Variants in SLIT2 observed in about 807,000 individuals in gnomAD.
The protein encoded by SLIT2 is slit guidance ligand 2.
In SLIT2, 41 loss-of-function variants were observed where a neutral mutation model predicts 185.7. That is an observed-to-expected ratio of 0.22 (90% CI 0.17 to 0.29). The LOEUF (loss-of-function observed/expected upper bound fraction) is 0.29, where lower values mean the gene tolerates loss of function less well. Among genes scored for constraint, SLIT2 ranks in the 10% least tolerant of loss-of-function variants. The pLI, the probability that SLIT2 is intolerant of heterozygous loss-of-function variation, is 1.00. For missense variants in SLIT2, 1,571 were observed against 1,909.0 expected, an observed-to-expected ratio of 0.82 and a Z score of 3.30; for synonymous variants, 693 against 680.2, an observed-to-expected ratio of 1.02 and a Z score of -0.29.
At position 20,542,597 on chromosome 4, in the gene SLIT2, G is replaced by A. The variant is rs267600123; in HGVS notation, c.2247G>A (p.Pro749=). The A allele has an allele frequency of 5.6e-6, 9 of 1,613,834 alleles. No homozygotes were observed. In the South Asian group the frequency reaches 6.6e-5, roughly 12 times the overall value. The change falls in exon 21 of 37, where the codon CCG becomes CCA. Residue 749 remains proline, a synonymous_variant. Coordinates refer to ENST00000504154, the MANE Select transcript of SLIT2 (RefSeq NM_004787.4). ...RCSNKGLKVL[P]KGIPRDVTEL... Reference sequence around the variant, plus strand: ...GCAACAAGGGTTTGAAGGTCTTGCCGAAAGGTATTCCAAGAGATGTCACAG... The same window carrying A: ...GCAACAAGGGTTTGAAGGTCTTGCCAAAAGGTATTCCAAGAGATGTCACAG...
chr4:20,441,736 C>T (rs970152563), intron 4 of SLIT2, among the ~76,000 whole-genome samples: 4 of 152,150 alleles, frequency 2.6e-5, no homozygotes, highest in Non-Finnish European at 5.9e-5. Flanking sequence ...ATGGGTCCTA[C>T]CTGCACACAA....
rs1437765730 is a variant in SLIT2, at chr4:20,510,938, A to C, written c.987-128A>C. 11 of 580,076 alleles carry C rather than the reference A, an allele frequency of 1.9e-5. No homozygotes were observed. The East Asian group carries it at 3.0e-4, about 16-fold the overall frequency. The allele number at this position is 580,076 out of a possible 1,614,324, so 35.9% of individuals were successfully genotyped here. Reference sequence around the variant, plus strand: ...TAAATTTCTGATCCTTCAGATGTTCAATGTTGCACGTTTTGGACATGTCTT... The same window carrying C: ...TAAATTTCTGATCCTTCAGATGTTCCATGTTGCACGTTTTGGACATGTCTT... On this transcript the variant is annotated intron_variant, in intron 10 of 36. Transcript: ENST00000504154.
In SLIT2 at chr4:20,596,591, A is replaced by G. The variant is rs760463561; in HGVS notation, c.3497A>G (p.Asn1166Ser). The G allele has an allele frequency of 3.1e-6, 5 of 1,613,954 alleles. No homozygotes were observed. The change falls in exon 32 of 37, where the codon AAC (asparagine) becomes AGC (serine). Residue 1166 changes from asparagine (N) to serine (S), a missense_variant. Around this residue, in one of 3 missense-constraint regions of SLIT2, gnomAD observed 146 missense variants for 247.4 expected, o/e 0.59. Transcript: ENST00000504154. ...AAATTGGTTAGTGTGAATTTTATAAACAAAGAGTCTTATCTTCAGATTCCT... is the reference window on the plus strand; with the variant it reads ...AAATTGGTTAGTGTGAATTTTATAAGCAAAGAGTCTTATCTTCAGATTCCT... ...CEKLVSVNFI[N>S]KESYLQIPSA...
chr4:20,466,936 G>A (rs953853825), intron 4 of SLIT2, among the ~76,000 whole-genome samples: 2 of 151,952 alleles, frequency 1.3e-5, no homozygotes, highest in Non-Finnish European at 2.9e-5. Context: ...TTTCTTGCAC[G>A]TATATTTATA....
intron 26 of SLIT2, among the ~76,000 whole-genome samples, chr4:20,560,198 T>A (rs1016024846): frequency 6.6e-6 from 1 of 152,012 alleles, no homozygotes; most frequent in Non-Finnish European, 1.5e-5. Context: ...TATTAAGGTT[T>A]GTCAATGTAT....
At chr4:20,599,246 A>G (rs1057261135) in intron 33 of SLIT2, among the ~76,000 whole-genome samples, 8 of 152,134 alleles carry the variant, frequency 5.3e-5, no homozygotes, top group Admixed American at 5.2e-4. Flanking sequence ...TTCGTGGGGT[A>G]TAATTTTTAG....
intron 4 of SLIT2, among the ~76,000 whole-genome samples, chr4:20,461,169 G>A (rs139511231): frequency 2.6e-5 from 4 of 152,246 alleles, no homozygotes; most frequent in African/African-American, 4.8e-5. Flanking sequence ...TCCATCTCAC[G>A]GTGATAGGAA....
intron 4 of SLIT2, among the ~76,000 whole-genome samples, chr4:20,422,329 T>C (rs1038369085): frequency 6.6e-6 from 1 of 152,196 alleles, no homozygotes; most frequent in African/African-American, 2.4e-5. Flanking sequence ...GCATAGTCCC[T>C]CATCTGTCTT....
chr4:20,465,545 G>T (rs1407895491), intron 4 of SLIT2, among the ~76,000 whole-genome samples: 1 of 152,002 alleles, frequency 6.6e-6, no homozygotes, highest in East Asian at 1.9e-4. Flanking sequence ...TCTACTCAGG[G>T]GACAACCACA....
At chr4:20,362,485 A>G (rs1311135178) in intron 4 of SLIT2, among the ~76,000 whole-genome samples, 2 of 152,092 alleles carry the variant, frequency 1.3e-5, no homozygotes, top group African/African-American at 4.8e-5. Context: ...ATGAATTGTT[A>G]CAATTTTGAT....
intron 2 of SLIT2, 115 bp from the exon 3 acceptor site, chr4:20,257,753 G>C: frequency 1.4e-6 from 1 of 690,674 alleles, no homozygotes; most frequent in South Asian, 1.7e-5. Flanking sequence ...TCTCAAATCA[G>C]AGCACAATTT....
chr4:20,515,623 C>T (rs1262275287), intron 11 of SLIT2, among the ~76,000 whole-genome samples: 1 of 152,148 alleles, frequency 6.6e-6, no homozygotes, highest in Non-Finnish European at 1.5e-5. Flanking sequence ...TCTGCTTTAT[C>T]TTTACTGTAC....
At chr4:20,392,286 A>C (rs966771046) in intron 4 of SLIT2, 1 of 152,102 alleles carries the variant, frequency 6.6e-6, no homozygotes, top group Non-Finnish European at 1.5e-5. Flanking sequence ...GTATCTGAAC[A>C]TACCGAAATA....
intron 11 of SLIT2, among the ~76,000 whole-genome samples, chr4:20,511,593 T>TATTTTTTTTTAA (rs1553915380): frequency 7.4e-6 from 1 of 134,246 alleles, no homozygotes; most frequent in Non-Finnish European, 1.6e-5. Context: ...GCTAATTTTT[T>TATTTTTTTTTAA]TTTTTTTTTT....
chr4:20,552,232 A>G (rs1387816696), intron 25 of SLIT2, among the ~76,000 whole-genome samples: 1 of 152,182 alleles, frequency 6.6e-6, no homozygotes, highest in Non-Finnish European at 1.5e-5. Flanking sequence ...ATGGTCAGGC[A>G]TCAGAAAAGG....
chr4:20,472,927 TA>T (rs2148763426), intron 5 of SLIT2, among the ~76,000 whole-genome samples: 1 of 151,662 alleles, frequency 6.6e-6, no homozygotes, highest in Non-Finnish European at 1.5e-5. Context: ...ATCCTAGGAT[TA>T]AAGAAAAAAG....
intron 9 of SLIT2, among the ~76,000 whole-genome samples, chr4:20,506,632 T>G (rs1719234657): frequency 6.6e-6 from 1 of 152,032 alleles, no homozygotes; most frequent in South Asian, 2.1e-4. Flanking sequence ...TGTGTTGGGT[T>G]TAGTTTATCA....
In SLIT2 at chr4:20,288,845, T is replaced by TA. The variant is rs1355204147; in HGVS notation, c.395+19964_395+19965insA. Among the ~76,000 whole-genome samples, 10 of 152,322 alleles carry TA rather than the reference T, an allele frequency of 6.6e-5. 1 individual carries two copies. The South Asian group carries it at 1.2e-3, about 19-fold the overall frequency. ...TCAAAACAGCCATCAGTGTGCCTTG[T>TA]GCTTCCTGGTTCATAGTCAGTGAGA... On this transcript the variant is annotated intron_variant, in intron 4 of 36. Transcript: ENST00000504154.
chr4:20,380,112 A>G (rs1336437781), intron 4 of SLIT2, among the ~76,000 whole-genome samples: 1 of 152,120 alleles, frequency 6.6e-6, no homozygotes, highest in Admixed American at 6.6e-5. Context: ...GCAGGAAGAG[A>G]ATGACTTTGT....
Sources: gnomAD v4.1 joint callset for allele counts (sites outside exome capture counted in the v4.1 genomes callset) on GRCh38, gnomAD v4.1.1 for gene constraint, gnomAD v4.1.1 regional missense constraint, MANE v1.5 for transcripts, NCBI Gene and HGNC (gene_info 2026-07-23, HGNC 2026-07-21) for gene names.